Variants in PCDHGA8 observed in about 807,000 individuals in gnomAD.
PCDHGA8 encodes the protein protocadherin gamma subfamily A, 8, also known as protocadherin gamma-A8.
PCDHGA8 carries 45 observed loss-of-function variants against 59.2 expected under a neutral mutation model. The observed-to-expected ratio is 0.76, with a 90% CI of 0.60 to 0.98. The LOEUF (loss-of-function observed/expected upper bound fraction) is 0.98. Among genes scored for constraint, PCDHGA8 ranks in the 50% least tolerant of loss-of-function variants. PCDHGA8 has a pLI of 0.00. For synonymous variants in PCDHGA8, 531 were observed against 519.0 expected, an observed-to-expected ratio of 1.02 and a Z score of -0.32; for missense variants, 1,257 against 1,196.2, an observed-to-expected ratio of 1.05 and a Z score of -0.75.
intron 1 of PCDHGA8, among the ~76,000 whole-genome samples, chr5:141,468,064 C>T (rs1026571562): frequency 3.3e-5 from 5 of 152,076 alleles, no homozygotes; most frequent in Non-Finnish European, 7.4e-5. Flanking sequence ...GTGGCTCACA[C>T]CTGTAATCCC....
At chr5:141,412,931 T>A in intron 1 of PCDHGA8, 1 of 453,226 alleles carries the variant, frequency 2.2e-6, no homozygotes, top group Non-Finnish European at 3.9e-6. Context: ...CAGTAACTTC[T>A]TAGGACTCTG....
At chr5:141,471,495 T>A (rs539663010) in intron 1 of PCDHGA8, 1 of 152,318 alleles carries the variant, frequency 6.6e-6, no homozygotes, top group East Asian at 1.9e-4. Flanking sequence ...ATTTAGGGAA[T>A]GCAAGAGAGG....
intron 1 of PCDHGA8, chr5:141,421,364 T>C (rs975166167): frequency 3.7e-6 from 6 of 1,613,994 alleles, no homozygotes; most frequent in African/African-American, 1.3e-5. Context: ...GGCTCCTTCG[T>C]GGGCAATATC....
chr5:141,460,430 G>T (rs1163518139), intron 1 of PCDHGA8, among the ~76,000 whole-genome samples: 2 of 152,110 alleles, frequency 1.3e-5, no homozygotes, highest in African/African-American at 4.8e-5. Flanking sequence ...ATGGTGTATG[G>T]TGTGAGGTAA....
chr5:141,421,537 T>C (rs11167744), intron 1 of PCDHGA8: 139,246 of 1,613,908 alleles, frequency 0.086, 6,702 homozygotes, highest in East Asian at 0.14. Context: ...GTCCTCCTGT[T>C]TTTTAAATAT....
At chr5:141,466,376 C>A (rs1046432765) in intron 1 of PCDHGA8, among the ~76,000 whole-genome samples, 1 of 151,904 alleles carries the variant, frequency 6.6e-6, no homozygotes, top group Non-Finnish European at 1.5e-5. Flanking sequence ...GTTTTGGCAC[C>A]CATCTAATGG....
In PCDHGA8 at chr5:141,487,153, T is replaced by C; in HGVS notation, c.2425-7654T>C. The stretch of plus-strand genomic sequence containing the variant: ...GTCCACCACTCTCTACCTCTGTTAC[T>C]CTCTTAGTGTCCTTAGAGGAAGACA... On this transcript the variant is annotated intron_variant, in intron 1 of 3. Coordinates refer to ENST00000398604, the MANE Select transcript of PCDHGA8 (RefSeq NM_032088.2). This position sits in a 1 kb window ranked among gnomAD's most constrained non-coding sequence, Gnocchi z 5.0. 3 of 1,613,954 alleles carry C rather than the reference T, an allele frequency of 1.9e-6. No individual in the cohort carries two copies. Among genetic ancestry groups the C allele is most frequent in the Non-Finnish European group, 2.5e-6 (3 of 1,179,838 alleles).
chr5:141,447,650 TC>T (rs1036312126), intron 1 of PCDHGA8, among the ~76,000 whole-genome samples: 1 of 151,988 alleles, frequency 6.6e-6, no homozygotes, highest in Non-Finnish European at 1.5e-5. Context: ...GGTAGAATTT[TC>T]CCCCCCAGGA....
At chr5:141,433,818 C>A (rs1286718725) in intron 1 of PCDHGA8, among the ~76,000 whole-genome samples, 7 of 133,614 alleles carry the variant, frequency 5.2e-5, no homozygotes, top group African/African-American at 5.8e-5. Flanking sequence ...GCCTGGGCAA[C>A]AAGAGTGAAA....
chr5:141,511,048 C>G lies in PCDHGA8; in HGVS notation c.2674C>G (p.Arg892Gly). The G allele has an allele frequency of 6.2e-7, 1 of 1,614,224 alleles. No homozygotes were observed. Among genetic ancestry groups the G allele is most frequent in the Non-Finnish European group, 8.5e-7 (1 of 1,180,028 alleles). ...QFTLQHVPDYRQNVYIPGSNA... is the reference protein window; with the variant it reads ...QFTLQHVPDYGQNVYIPGSNA... ...CACCCTGCAGCACGTGCCCGACTAC[C>G]GCCAGAATGTCTACATCCCAGGCAG... Residue 892 changes from arginine (R) to glycine (G), a missense_variant, in exon 4 of 4, where the codon CGC becomes GGC. Arg to Gly is a moderately radical substitution (Grantham distance 125, BLOSUM62 -2). Transcript: ENST00000398604.
chr5:141,511,320 A>G lies in PCDHGA8; in HGVS notation c.*147A>G. ...CATGCTCCCCTTGGGAAACAGAAAC[A>G]AGTGCCCAGTCAGCACCTACCCCTT... On this transcript the variant is annotated 3_prime_UTR_variant, in exon 4 of 4. Transcript: ENST00000398604. 6.8e-7 allele frequency: 1 copy of G among 1,475,678 alleles called. No homozygotes were observed. The highest frequency in any genetic ancestry group is 1.4e-5 in the South Asian group (1 of 72,746). 91.4% of individuals were successfully genotyped at this position (1,475,678 alleles called of 1,614,324 possible).
At chr5:141,408,959 G>A (rs1434961395) in intron 1 of PCDHGA8, 1 of 1,613,722 alleles carries the variant, frequency 6.2e-7, no homozygotes, top group East Asian at 2.2e-5. Context: ...TAGTCTTAGT[G>A]AAAATCTGCC....
chr5:141,506,162 C>T (rs1448735916), intron 3 of PCDHGA8, among the ~76,000 whole-genome samples: 1 of 152,124 alleles, frequency 6.6e-6, no homozygotes, highest in Non-Finnish European at 1.5e-5. Flanking sequence ...CTTAAGAGCA[C>T]AGCCTAAGCT....
At chr5:141,478,506 ATAGGCAGGTGTTGGG>A in intron 1 of PCDHGA8, 1 of 1,612,314 alleles carries the variant, frequency 6.2e-7, no homozygotes, top group Non-Finnish European at 8.5e-7. Context: ...CCGGTGTTCT[ATAGGCAGGTGTTGGG>A]TGCAGAGAGC....
chr5:141,432,191 G>C lies in PCDHGA8; in HGVS notation c.2424+36954G>C. 2.5e-6 allele frequency: 4 copies of C among 1,614,110 alleles called. No individual in the cohort carries two copies. Among genetic ancestry groups the C allele is most frequent in the Non-Finnish European group, 3.4e-6 (4 of 1,180,026 alleles). On this transcript the variant is annotated intron_variant, in intron 1 of 3. Coordinates refer to ENST00000398604, the MANE Select transcript of PCDHGA8 (RefSeq NM_032088.2). The surrounding 1 kb of genome is among the most constrained non-coding windows in gnomAD (Gnocchi z 6.0). ...TTCCCTCGTCTCTGTGACCGCCCAC[G>C]ACCCCGACTGTGAAGAGAACGCCCA... is the stretch of plus-strand genomic sequence containing the variant.
At chr5:141,443,662 C>A (rs1427397469) in intron 1 of PCDHGA8, among the ~76,000 whole-genome samples, 2 of 152,178 alleles carry the variant, frequency 1.3e-5, no homozygotes, top group African/African-American at 4.8e-5. Context: ...TAGCATTTTA[C>A]TGAACTAGTA....
At chr5:141,471,926 G>T (rs2099266798) in intron 1 of PCDHGA8, among the ~76,000 whole-genome samples, 1 of 152,110 alleles carries the variant, frequency 6.6e-6, no homozygotes, top group African/African-American at 2.4e-5. Flanking sequence ...AATTTTGGGG[G>T]TGATGAGAGT....
chr5:141,511,391 C>G lies in PCDHGA8; in HGVS notation c.*218C>G. ...TGCAAAAGCAGTTCCGCTGGGAACC[C>G]CCATCCAATCAACTGCTGTACCCAT... is the stretch of plus-strand genomic sequence containing the variant. On this transcript the variant is annotated 3_prime_UTR_variant, in exon 4 of 4. Coordinates refer to ENST00000398604, the MANE Select transcript of PCDHGA8 (RefSeq NM_032088.2). 2.8e-6 allele frequency: 3 copies of G among 1,079,748 alleles called. No homozygotes were observed. The highest frequency in any genetic ancestry group is 3.3e-5 in the South Asian group (2 of 60,136). The allele number at this position is 1,079,748 out of a possible 1,614,324, so 66.9% of individuals were successfully genotyped here. A position where few individuals can be genotyped will look rare whatever the true frequency, so the allele number is the denominator to read the frequency against.
Position 141,393,255 on chromosome 5 carries a change from C to G in PCDHGA8, c.442C>G (p.Pro148Ala), listed in dbSNP as rs201229959. 2.3e-4 allele frequency: 367 copies of G among 1,613,786 alleles called. No individual in the cohort carries two copies. Among genetic ancestry groups the G allele is most frequent in the Non-Finnish European group, 2.9e-4 (338 of 1,179,916 alleles). The change falls in exon 1 of 4, where the codon CCT (proline) becomes GCT (alanine). Residue 148 changes from proline (P) to alanine (A), a missense_variant. Physicochemically the swap from Pro to Ala is conservative, Grantham distance 27. Coordinates refer to ENST00000398604, the MANE Select transcript of PCDHGA8 (RefSeq NM_032088.2). Reference protein sequence around the residue: ...LEVKINEIAVPGARYPLPEAV... With the variant: ...LEVKINEIAVAGARYPLPEAV... ...AGTAAAAATTAACGAAATCGCGGTT[C>G]CTGGAGCACGTTATCCACTCCCAGA...
Sources: allele counts gnomAD v4.1 joint callset (sites outside exome capture counted in the v4.1 genomes callset), GRCh38; gene constraint gnomAD v4.1.1; non-coding constraint Gnocchi (gnomAD v3.1); transcripts MANE v1.5; gene names NCBI Gene and HGNC (gene_info 2026-07-23, HGNC 2026-07-21).